The following COLQ variants were observed in gnomAD, a reference collection of about 807,000 sequenced individuals.
COLQ encodes acetylcholinesterase collagenic tail peptide.
Under a neutral mutation model 69.0 loss-of-function variants are expected in COLQ, and 48 were observed. The ratio of observed to expected loss-of-function variants is 0.70; its 90% CI spans 0.55 to 0.88. The LOEUF is 0.88. Ranked by LOEUF, COLQ falls within the 40% of genes least tolerant of loss-of-function variation. The pLI is 0.00. For missense variants in COLQ, 618 were observed against 594.6 expected, an observed-to-expected ratio of 1.04 and a Z score of -0.41; for synonymous variants, 217 against 211.2, an observed-to-expected ratio of 1.03 and a Z score of -0.24.
At chr3:15,508,783 T>G (rs1459115369) in intron 1 of COLQ, among the ~76,000 whole-genome samples, 1 of 151,954 alleles carries the variant, frequency 6.6e-6, no homozygotes, top group Non-Finnish European at 1.5e-5. Context: ...GGGCAAATTT[T>G]CAGTCTCATT....
chr3:15,477,176 C>T lies in COLQ; in HGVS notation c.415G>A (p.Val139Ile). The T allele has an allele frequency of 1.2e-6, 2 of 1,606,842 alleles. No homozygotes were observed. The highest frequency in any genetic ancestry group is 1.3e-5 in the African/African-American group (1 of 74,992). The change falls in exon 6 of 17, where the codon GTT (valine) becomes ATT (isoleucine). Residue 139 changes from valine (V) to isoleucine (I), a missense_variant. Transcript: ENST00000383788. ...GRKGRPGPPG[V>I]PGMPGPIGWP... ...CCGATGGGCCCAGGCATGCCAGGAA[C>T]ACCTGGGGGGCCAGGTCTACCCTTC...
At chr3:15,469,123 G>A (rs1048458738) in intron 11 of COLQ, among the ~76,000 whole-genome samples, 3 of 152,144 alleles carry the variant, frequency 2.0e-5, no homozygotes, top group Non-Finnish European at 4.4e-5. Context: ...AGCACCCTCG[G>A]GTTGTTCACA....
In COLQ at chr3:15,479,325, T is replaced by C. The variant is rs868139020; in HGVS notation, c.366+13A>G. On this transcript the variant is annotated intron_variant, in intron 4 of 16. Coordinates refer to ENST00000383788, the MANE Select transcript of COLQ (RefSeq NM_005677.4). ...CCAAGGAAAGAAGGGTTGAAGAAAGTAGTGGTCCATACCTTTTCTCCCTTT... is the reference window on the plus strand; with the variant it reads ...CCAAGGAAAGAAGGGTTGAAGAAAGCAGTGGTCCATACCTTTTCTCCCTTT... The C allele has an allele frequency of 6.2e-6, 10 of 1,613,336 alleles. No individual in the cohort carries two copies. The Middle Eastern group carries it at 1.3e-3, about 213-fold the overall frequency.
intron 1 of COLQ, among the ~76,000 whole-genome samples, chr3:15,495,437 G>A: frequency 6.6e-6 from 1 of 152,208 alleles, no homozygotes; most frequent in East Asian, 1.9e-4. Flanking sequence ...AGAGAGTGGA[G>A]CAAGACCAAA....
At chr3:15,495,372 T>C (rs946187662) in intron 1 of COLQ, among the ~76,000 whole-genome samples, 1 of 152,190 alleles carries the variant, frequency 6.6e-6, no homozygotes. Context: ...CTGAATTGGA[T>C]GCCATCAGGA....
chr3:15,503,148 T>C lies in COLQ; in HGVS notation c.107-13511A>G, dbSNP rs148141020. ...CTTCCAACCTTCCTGCTGTCCTCAC[T>C]GCTCTAGTCTGGTGGGGCAGTTTCC... On this transcript the variant is annotated intron_variant, in intron 1 of 16. Coordinates refer to ENST00000383788, the MANE Select transcript of COLQ (RefSeq NM_005677.4). Among the ~76,000 whole-genome samples the C allele has an allele frequency of 3.1e-3, 471 of 152,290 alleles. 4 individuals carry two copies. The highest frequency in any genetic ancestry group is 0.011 in the African/African-American group (448 of 41,556).
At chr3:15,454,664 T>A (rs1025666398) in intron 15 of COLQ, among the ~76,000 whole-genome samples, 86 of 149,136 alleles carry the variant, frequency 5.8e-4, no homozygotes, top group African/African-American at 2.1e-3. Flanking sequence ...TTTTTTTTTT[T>A]TTTTTTTTTG....
At position 15,451,567 on chromosome 3, in the gene COLQ, GGACATGGCCAGTTTGAT is replaced by G; in HGVS notation, c.*60_*76del. 7.4e-7 allele frequency: 1 copy of G among 1,358,964 alleles called. No individual in the cohort carries two copies. The highest frequency in any genetic ancestry group is 2.3e-5 in the East Asian group (1 of 43,706). 84.2% of individuals were successfully genotyped at this position (1,358,964 alleles called of 1,614,324 possible). A position where few individuals can be genotyped will look rare whatever the true frequency, so the allele number is the denominator to read the frequency against. On this transcript the variant is annotated 3_prime_UTR_variant, in exon 17 of 17. Transcript: ENST00000383788. ...ACAAAGGTTGGTGGAGACGGGGCCA[GGACATGGCCAGTTTGAT>G]GACAGTGGAGAAGCTGCTGCCAGTT... is the stretch of plus-strand genomic sequence containing the variant.
intron 1 of COLQ, chr3:15,499,008 GCCTC>G: frequency 9.7e-7 from 1 of 1,035,526 alleles, no homozygotes; most frequent in Non-Finnish European, 1.2e-6. Flanking sequence ...GCTCTGGTAA[GCCTC>G]AAAGTCAACC....
intron 1 of COLQ, among the ~76,000 whole-genome samples, chr3:15,494,258 G>A (rs1404380478): frequency 2.0e-5 from 3 of 152,176 alleles, no homozygotes; most frequent in East Asian, 1.9e-4. Flanking sequence ...CTGTGTGCAA[G>A]GAAGGTGCAG....
chr3:15,487,100 G>GA (rs2062587454), intron 3 of COLQ, among the ~76,000 whole-genome samples: 1 of 152,198 alleles, frequency 6.6e-6, no homozygotes, highest in South Asian at 2.1e-4. Context: ...GTAACAGGAT[G>GA]AAAAAATCAT....
intron 2 of COLQ, among the ~76,000 whole-genome samples, chr3:15,488,594 T>C (rs2062615250): frequency 6.6e-6 from 1 of 152,118 alleles, no homozygotes; most frequent in Admixed American, 6.5e-5. Flanking sequence ...GTTAGCACTG[T>C]CCAATGGAAA....
rs548907326 is a variant in COLQ, at chr3:15,504,083, A to G, written c.107-14446T>C. 2.6e-5 allele frequency among the ~76,000 whole-genome samples: 4 copies of G among 152,156 alleles called. No homozygotes were observed. In the South Asian group the frequency reaches 8.3e-4, roughly 32 times the overall value. ...CAATCAGGTGTGCTGGTGGTCTTCA[A>G]TCAAACATGGATTTACCTCCCCTAT... On this transcript the variant is annotated intron_variant, in intron 1 of 16. Coordinates refer to ENST00000383788, the MANE Select transcript of COLQ (RefSeq NM_005677.4).
chr3:15,498,231 C>T (rs112111532), intron 1 of COLQ, among the ~76,000 whole-genome samples: 95 of 152,298 alleles, frequency 6.2e-4, no homozygotes, highest in Middle Eastern at 3.4e-3. Context: ...ACAAGAGGGA[C>T]ACAGACAAGT....
Position 15,475,503 on chromosome 3 carries a change from G to A in COLQ, c.466-16C>T, listed in dbSNP as rs370346034. The stretch of plus-strand genomic sequence containing the variant: ...CTTTTTCACCCTGTGGGAATTAGAA[G>A]AAGAAAAGACCCACGGTGATATTTT... On this transcript the variant is annotated splice_polypyrimidine_tract_variant and intron_variant, in intron 6 of 16. Coordinates refer to ENST00000383788, the MANE Select transcript of COLQ (RefSeq NM_005677.4). The A allele has an allele frequency of 3.2e-6, 5 of 1,582,700 alleles. No homozygotes were observed. Among genetic ancestry groups the A allele is most frequent in the African/African-American group, 2.7e-5 (2 of 74,434 alleles).
intron 2 of COLQ, among the ~76,000 whole-genome samples, chr3:15,489,110 C>G (rs910067538): frequency 6.6e-6 from 1 of 152,208 alleles, no homozygotes; most frequent in African/African-American, 2.4e-5. Flanking sequence ...TCCTGAGTCA[C>G]CTCATGGAAA....
chr3:15,498,652 A>G lies in COLQ; in HGVS notation c.107-9015T>C, dbSNP rs537915507. On this transcript the variant is annotated intron_variant, in intron 1 of 16. Transcript: ENST00000383788. ...AGCCGGAGACAGGCTGAGATTCGTC[A>G]CGCCTCTGAGTGCTCCCAGTGCCTG... 2.0e-5 allele frequency: 31 copies of G among 1,550,940 alleles called. No homozygotes were observed. The African/African-American group carries it at 2.7e-4, about 14-fold the overall frequency.
intron 3 of COLQ, among the ~76,000 whole-genome samples, chr3:15,480,346 G>A (rs1169354667): frequency 3.7e-5 from 4 of 107,264 alleles, no homozygotes; most frequent in African/African-American, 1.1e-4. Context: ...CCCACCCCAC[G>A]ACAGGCCCTG....
rs745419074 is a variant in COLQ at position 15,489,585 on chromosome 3, C to T, written c.159G>A (p.Leu53=). 43 of 1,614,190 alleles carry T rather than the reference C, an allele frequency of 2.7e-5. No individual in the cohort carries two copies. The South Asian group carries it at 4.6e-4, about 17-fold the overall frequency. The change falls in exon 2 of 17, where the codon CTG becomes CTA. Residue 53 remains leucine, a synonymous_variant. Coordinates refer to ENST00000383788, the MANE Select transcript of COLQ (RefSeq NM_005677.4). ...ACAGTGGTGGTGGAGGAGGCGTCAG[C>T]AGGCAGCATGCTTTGTGGCCACCAC... The part of the protein sequence containing the change: ...KKRGGHKACC[L]LTPPPPPLFP...
Sources: allele counts gnomAD v4.1 joint callset (sites outside exome capture counted in the v4.1 genomes callset), GRCh38; gene constraint gnomAD v4.1.1; transcripts MANE v1.5; gene names NCBI Gene and HGNC (gene_info 2026-07-23, HGNC 2026-07-21).